MEMO1: variants seen among roughly 807,000 people sequenced by gnomAD.
The protein encoded by MEMO1 is mediator of cell motility 1, also known as protein MEMO1.
A neutral mutation model predicts 45.2 loss-of-function variants in MEMO1; 6 were observed. The ratio of observed to expected loss-of-function variants is 0.13; its 90% CI spans 0.07 to 0.26. MEMO1 has a LOEUF of 0.26. Among genes scored for constraint, MEMO1 ranks in the 10% least tolerant of loss-of-function variants. The pLI, the probability that MEMO1 is intolerant of heterozygous loss-of-function variation, is 1.00. For missense variants in MEMO1, 184 were observed against 370.5 expected (o/e 0.50, Z 4.13); for synonymous variants, 78 against 124.3 (o/e 0.63, Z 2.48).
At chr2:31,873,677 T>A (rs569384931) in intron 8 of MEMO1, among the ~76,000 whole-genome samples, 1 of 152,196 alleles carries the variant, frequency 6.6e-6, no homozygotes, top group East Asian at 1.9e-4. Flanking sequence ...CAGAATCATA[T>A]CTTTTAATTC....
In MEMO1 at chr2:31,884,296, C is replaced by T. The variant is rs146907635; in HGVS notation, c.581-834G>A. The stretch of plus-strand genomic sequence containing the variant: ...GGGAGTATTACTCAACTGACTGCAA[C>T]GTATTTCAGATACACCTAAATCTTT... On this transcript the variant is annotated intron_variant, in intron 7 of 9. Transcript: ENST00000404530. 2.1e-3 allele frequency among the ~76,000 whole-genome samples: 322 copies of T among 152,252 alleles called. 2 individuals are homozygous for T. The highest frequency in any genetic ancestry group is 7.2e-3 in the African/African-American group (301 of 41,560).
intron 8 of MEMO1, among the ~76,000 whole-genome samples, chr2:31,882,921 A>C (rs1675630982): frequency 6.6e-6 from 1 of 152,168 alleles, no homozygotes; most frequent in African/African-American, 2.4e-5. Flanking sequence ...CTGCTATCAA[A>C]ACTAAAAATA....
chr2:31,888,740 A>G (rs931484256), intron 7 of MEMO1, among the ~76,000 whole-genome samples: 4 of 152,172 alleles, frequency 2.6e-5, no homozygotes, highest in South Asian at 2.1e-4. Flanking sequence ...TGGCATTTCT[A>G]TATGTACAAG....
rs147288748 is a variant in MEMO1, at chr2:31,983,794, T to C, written c.61+26393A>G. On this transcript the variant is annotated intron_variant, in intron 2 of 9. Coordinates refer to ENST00000404530, the MANE Select transcript of MEMO1 (RefSeq NM_001301833.4). Reference sequence around the variant, plus strand: ...AAGAAAGCAAGGCTCCTTGGAGAAATAGAACATTCTACCCACAGGGCAGGA... The same window carrying C: ...AAGAAAGCAAGGCTCCTTGGAGAAACAGAACATTCTACCCACAGGGCAGGA... 7.7e-3 allele frequency among the ~76,000 whole-genome samples: 1,176 copies of C among 152,238 alleles called. 15 individuals are homozygous for C. The highest frequency in any genetic ancestry group is 0.024 in the African/African-American group (991 of 41,520).
chr2:31,985,822 T>C (rs1558555741), intron 2 of MEMO1, among the ~76,000 whole-genome samples: 1 of 152,124 alleles, frequency 6.6e-6, no homozygotes, highest in Non-Finnish European at 1.5e-5. Flanking sequence ...GCAAAATCTT[T>C]ACTAATAAAT....
At chr2:31,903,999 C>T (rs531423919) in intron 6 of MEMO1, among the ~76,000 whole-genome samples, 6 of 152,194 alleles carry the variant, frequency 3.9e-5, no homozygotes, top group East Asian at 1.9e-4. Flanking sequence ...ATTGAGGCCA[C>T]AATCAGAAAG....
intron 8 of MEMO1, among the ~76,000 whole-genome samples, chr2:31,876,467 T>TA: frequency 1.3e-5 from 2 of 152,176 alleles, no homozygotes; most frequent in Non-Finnish European, 2.9e-5. Context: ...CCTTACCTTT[T>TA]AAAATTAACA....
intron 2 of MEMO1, among the ~76,000 whole-genome samples, chr2:31,956,813 T>C (rs1667463096): frequency 6.6e-6 from 1 of 152,170 alleles, no homozygotes; most frequent in Non-Finnish European, 1.5e-5. Flanking sequence ...GATTATGTAT[T>C]GGTTTGTATT....
intron 2 of MEMO1, among the ~76,000 whole-genome samples, chr2:31,952,159 G>A (rs1666914182): frequency 6.6e-6 from 1 of 152,092 alleles, no homozygotes; most frequent in African/African-American, 2.4e-5. Flanking sequence ...AAATCGCACT[G>A]TGAAAAACAC....
chr2:31,937,479 A>G (rs1665051239), intron 3 of MEMO1, among the ~76,000 whole-genome samples: 1 of 152,234 alleles, frequency 6.6e-6, no homozygotes, highest in Admixed American at 6.5e-5. Context: ...GAAGAACTAA[A>G]TAATGTATGA....
intron 2 of MEMO1, among the ~76,000 whole-genome samples, chr2:31,997,716 G>T (rs1157715905): frequency 6.6e-6 from 1 of 152,220 alleles, no homozygotes; most frequent in Non-Finnish European, 1.5e-5. Context: ...AAATGAGAAA[G>T]TTAAGCAGAG....
intron 6 of MEMO1, among the ~76,000 whole-genome samples, chr2:31,894,059 C>T (rs1677354197): frequency 1.3e-5 from 2 of 152,136 alleles, no homozygotes; most frequent in African/African-American, 4.8e-5. Flanking sequence ...TGAAGTTGAA[C>T]TTCCAGTGAA....
chr2:31,900,932 C>T (rs1400352576), intron 6 of MEMO1, among the ~76,000 whole-genome samples: 2 of 152,026 alleles, frequency 1.3e-5, no homozygotes, highest in Admixed American at 6.5e-5. Context: ...TCATATGACC[C>T]AACAGTTTCC....
At chr2:31,871,870 C>T (rs1397985625) in intron 8 of MEMO1, among the ~76,000 whole-genome samples, 1 of 151,942 alleles carries the variant, frequency 6.6e-6, no homozygotes, top group Non-Finnish European at 1.5e-5. Flanking sequence ...AAAAATTAGC[C>T]AGTCATGGTG....
chr2:31,899,882 C>T (rs537999486), intron 6 of MEMO1, among the ~76,000 whole-genome samples: 8 of 152,170 alleles, frequency 5.3e-5, no homozygotes, highest in South Asian at 2.1e-4. Context: ...TATGAACAGA[C>T]GCTTCTCAAA....
intron 4 of MEMO1, among the ~76,000 whole-genome samples, chr2:31,922,955 G>A (rs1444688636): frequency 2.6e-5 from 4 of 151,944 alleles, no homozygotes; most frequent in Non-Finnish European, 1.5e-5. Context: ...ATGTCTTTAT[G>A]GCAGAACAAT....
intron 2 of MEMO1, among the ~76,000 whole-genome samples, chr2:31,982,675 T>C (rs1012138501): frequency 4.6e-5 from 7 of 151,542 alleles, no homozygotes; most frequent in African/African-American, 1.7e-4. Context: ...TGATTAGAAA[T>C]TGTAACGCTA....
chr2:31,983,716 G>A (rs1670935947), intron 2 of MEMO1, among the ~76,000 whole-genome samples: 2 of 152,320 alleles, frequency 1.3e-5, no homozygotes, highest in Admixed American at 6.5e-5. Context: ...TTACAGGCGT[G>A]AGCCACCGCG....
chr2:31,923,723 C>T (rs1371434148), intron 4 of MEMO1: 1 of 1,540,564 alleles, frequency 6.5e-7, no homozygotes, highest in Middle Eastern at 1.7e-4. Context: ...CATCAGAGCA[C>T]TCCTGGAAAA....
Sources: gnomAD v4.1 joint callset for allele counts (sites outside exome capture counted in the v4.1 genomes callset) on GRCh38, gnomAD v4.1.1 for gene constraint, MANE v1.5 for transcripts, NCBI Gene and HGNC (gene_info 2026-07-23, HGNC 2026-07-21) for gene names.